SDK1: variants seen among roughly 807,000 people sequenced by gnomAD.
The protein encoded by SDK1 is sidekick cell adhesion molecule 1.
A neutral mutation model predicts 245.5 loss-of-function variants in SDK1; 157 were observed. That is an observed-to-expected ratio of 0.64 (90% CI 0.56 to 0.73). The LOEUF (loss-of-function observed/expected upper bound fraction) is 0.73. SDK1 is among the 30% of genes least tolerant of loss of function. SDK1 has a pLI of 0.00. For synonymous variants in SDK1, 1,647 were observed against 1,278.5 expected (o/e 1.29, Z -6.15); for missense variants, 3,583 against 3,002.3 (o/e 1.19, Z -4.52).
chr7:3,509,999 T>C (rs574564157), intron 1 of SDK1, among the ~76,000 whole-genome samples: 5 of 152,228 alleles, frequency 3.3e-5, no homozygotes, highest in East Asian at 1.9e-4. Flanking sequence ...CCAAGGACTT[T>C]CCAGAGCTCC....
chr7:3,737,901 C>G (rs2115048433), intron 4 of SDK1, among the ~76,000 whole-genome samples: 1 of 152,336 alleles, frequency 6.6e-6, no homozygotes, highest in South Asian at 2.1e-4. Context: ...CCAAATCCCT[C>G]CACTCTTCTT....
intron 1 of SDK1, among the ~76,000 whole-genome samples, chr7:3,413,705 A>G (rs1299708988): frequency 6.6e-6 from 1 of 151,790 alleles, no homozygotes; most frequent in Non-Finnish European, 1.5e-5. Flanking sequence ...AAATAAATAA[A>G]TAACTAGGAG....
chr7:3,591,401 C>T (rs917822651), intron 1 of SDK1, among the ~76,000 whole-genome samples: 6 of 152,212 alleles, frequency 3.9e-5, no homozygotes, highest in East Asian at 1.9e-4. Flanking sequence ...GATCACTGGC[C>T]GCCTAGGGGA....
At chr7:3,563,428 C>G (rs1779812096) in intron 1 of SDK1, among the ~76,000 whole-genome samples, 1 of 151,806 alleles carries the variant, frequency 6.6e-6, no homozygotes, top group African/African-American at 2.4e-5. Flanking sequence ...CAAATATGAA[C>G]CAACAGAAAG....
intron 7 of SDK1, chr7:3,952,191 CCT>C (rs1019927063): frequency 2.1e-6 from 1 of 465,490 alleles, no homozygotes; most frequent in Admixed American, 4.1e-5. Flanking sequence ...CGGTGAAACC[CCT>C]GTCATATAGA....
intron 17 of SDK1, among the ~76,000 whole-genome samples, chr7:4,028,090 A>T (rs1787500663): frequency 6.6e-6 from 1 of 152,170 alleles, no homozygotes; most frequent in Non-Finnish European, 1.5e-5. Context: ...GGTGGTTCTC[A>T]GAGATGGTCT....
chr7:3,958,665 A>G (rs1412896808), intron 7 of SDK1, among the ~76,000 whole-genome samples: 6 of 152,222 alleles, frequency 3.9e-5, no homozygotes, highest in South Asian at 2.1e-4. Context: ...TAGTCCTTCT[A>G]AAATGTAAAT....
intron 5 of SDK1, among the ~76,000 whole-genome samples, chr7:3,914,847 A>G (rs1779309244): frequency 6.6e-6 from 1 of 152,238 alleles, no homozygotes. Context: ...TGAGACCTTC[A>G]GAATCATTTG....
At chr7:3,569,723 T>C (rs922620866) in intron 1 of SDK1, among the ~76,000 whole-genome samples, 1 of 152,236 alleles carries the variant, frequency 6.6e-6, no homozygotes, top group African/African-American at 2.4e-5. Context: ...TTAATTGGTA[T>C]GGATTTTTTT....
intron 1 of SDK1, among the ~76,000 whole-genome samples, chr7:3,414,511 A>G (rs561273972): frequency 5.3e-5 from 8 of 152,166 alleles, no homozygotes; most frequent in Non-Finnish European, 8.8e-5. Context: ...ATATCTATAG[A>G]TCTTCCTTGA....
intron 19 of SDK1, among the ~76,000 whole-genome samples, chr7:4,057,320 C>T (rs191589592): frequency 4.0e-4 from 61 of 152,304 alleles, no homozygotes; most frequent in African/African-American, 1.4e-3. Context: ...GCCCTGTCCA[C>T]CACTATGAGC....
chr7:3,738,244 C>A (rs983055024), intron 4 of SDK1, among the ~76,000 whole-genome samples: 4 of 152,202 alleles, frequency 2.6e-5, no homozygotes, highest in African/African-American at 9.7e-5. Flanking sequence ...AGATAAGGGT[C>A]CACCTTCATT....
chr7:3,426,739 A>G (rs1376549527), intron 1 of SDK1, among the ~76,000 whole-genome samples: 2 of 152,214 alleles, frequency 1.3e-5, no homozygotes, highest in African/African-American at 2.4e-5. Context: ...CAGACTTTTT[A>G]ACTCTCAAAT....
intron 4 of SDK1, among the ~76,000 whole-genome samples, chr7:3,804,034 G>A (rs1271399358): frequency 6.6e-6 from 1 of 152,142 alleles, no homozygotes; most frequent in African/African-American, 2.4e-5. Flanking sequence ...AAAGTGCTGG[G>A]ATTACAGGCA....
Position 4,120,165 on chromosome 7 carries a change from T to A in SDK1, c.3823+5891T>A, listed in dbSNP as rs1408809250. Among the ~76,000 whole-genome samples the A allele has an allele frequency of 1.3e-5, 2 of 148,630 alleles. 1 individual carries two copies. Among genetic ancestry groups the A allele is most frequent in the Non-Finnish European group, 3.0e-5 (2 of 66,632 alleles). ...GAAGAACAGAATGAGATCTACCACA[T>A]AGCTAATAGGACTCGAAAGAGGAAG... is the stretch of plus-strand genomic sequence containing the variant. On this transcript the variant is annotated intron_variant, in intron 25 of 44. Transcript: ENST00000404826.
chr7:3,434,417 T>G (rs1369051784), intron 1 of SDK1, among the ~76,000 whole-genome samples: 1 of 152,202 alleles, frequency 6.6e-6, no homozygotes, highest in Non-Finnish European at 1.5e-5. Context: ...GCCACTGTGG[T>G]TTACCCTGAG....
intron 32 of SDK1, among the ~76,000 whole-genome samples, chr7:4,168,910 C>T (rs1026780117): frequency 1.3e-5 from 2 of 152,144 alleles, no homozygotes; most frequent in Non-Finnish European, 2.9e-5. Flanking sequence ...TCCAGCCACT[C>T]CCACCCCACC....
chr7:3,523,266 A>C (rs1405077122), intron 1 of SDK1, among the ~76,000 whole-genome samples: 1 of 152,210 alleles, frequency 6.6e-6, no homozygotes, highest in Non-Finnish European at 1.5e-5. Flanking sequence ...TTTCTCAATT[A>C]ACAGTTACAG....
intron 1 of SDK1, among the ~76,000 whole-genome samples, chr7:3,544,037 G>C (rs1018434628): frequency 3.3e-5 from 5 of 152,176 alleles, no homozygotes; most frequent in African/African-American, 9.7e-5. Context: ...CCATTGTGTA[G>C]TTTTTATATT....
Sources: allele counts gnomAD v4.1 joint callset (sites outside exome capture counted in the v4.1 genomes callset), GRCh38; gene constraint gnomAD v4.1.1; transcripts MANE v1.5; gene names NCBI Gene and HGNC (gene_info 2026-07-23, HGNC 2026-07-21).